Variants in TNR observed in about 807,000 individuals in gnomAD.
The protein encoded by TNR is tenascin R, also known as tenascin-R.
Under a neutral mutation model 150.4 loss-of-function variants are expected in TNR, and 45 were observed. The ratio of observed to expected loss-of-function variants is 0.30; its 90% CI spans 0.24 to 0.38. The LOEUF (loss-of-function observed/expected upper bound fraction) is 0.38, where lower values mean the gene tolerates loss of function less well. Among genes scored for constraint, TNR ranks in the 10% least tolerant of loss-of-function variants. The pLI, the probability that TNR is intolerant of heterozygous loss-of-function variation, is 1.00. For synonymous variants in TNR, 687 were observed against 678.4 expected (o/e 1.01, Z -0.20); for missense variants, 1,544 against 1,759.1 (o/e 0.88, Z 2.19).
In TNR at chr1:175,316,984, G is replaced by A. The variant is rs1648865439; in HGVS notation, c.*6373C>T. 6.6e-6 allele frequency: 1 copy of A among 152,184 alleles called. No individual in the cohort carries two copies. The highest frequency in any genetic ancestry group is 2.1e-4 in the South Asian group (1 of 4,836). 9.4% of individuals were successfully genotyped at this position (152,184 alleles called of 1,614,324 possible). On this transcript the variant is annotated 3_prime_UTR_variant, in exon 23 of 23. Transcript: ENST00000367674. Reference sequence around the variant, plus strand: ...TAAATATAAAGAGCAGCCTCATGAAGTGGAAAAATCAAGGGCTTCAAAATT... The same window carrying A: ...TAAATATAAAGAGCAGCCTCATGAAATGGAAAAATCAAGGGCTTCAAAATT...
chr1:175,364,410 T>C (rs1273887432), intron 12 of TNR, among the ~76,000 whole-genome samples: 1 of 152,130 alleles, frequency 6.6e-6, no homozygotes, highest in Non-Finnish European at 1.5e-5. Context: ...GAGTTCTTGT[T>C]AGTAAGGAGG....
intron 1 of TNR, among the ~76,000 whole-genome samples, chr1:175,668,357 T>G (rs1665592109): frequency 6.6e-6 from 1 of 151,998 alleles, no homozygotes; most frequent in Non-Finnish European, 1.5e-5. Context: ...AAGAGAGGTG[T>G]CTAAGTGTCA....
chr1:175,427,693 C>CCTTT (rs1557927731), intron 2 of TNR, among the ~76,000 whole-genome samples: 2 of 126,572 alleles, frequency 1.6e-5, no homozygotes, highest in Non-Finnish European at 1.7e-5. Flanking sequence ...TTCCTTCCTT[C>CCTTT]CTTCCTTCCT....
chr1:175,673,383 G>A (rs977387875), intron 1 of TNR, among the ~76,000 whole-genome samples: 2 of 152,184 alleles, frequency 1.3e-5, no homozygotes, highest in African/African-American at 4.8e-5. Flanking sequence ...CCCTTCAGGG[G>A]TTTATAAACT....
rs916275392 is a variant in TNR at position 175,319,274 on chromosome 1, T to A, written c.*4083A>T. On this transcript the variant is annotated 3_prime_UTR_variant, in exon 23 of 23. Transcript: ENST00000367674. ...CTAGTCTATTTCAACACCCATAGCT[T>A]GGTGTATCTAGTGTTCTTGCATGTT... 4 of 152,228 alleles carry A rather than the reference T, an allele frequency of 2.6e-5. No individual in the cohort carries two copies. The highest frequency in any genetic ancestry group is 9.6e-5 in the African/African-American group (4 of 41,462). The allele number at this position is 152,228 out of a possible 1,614,324, so 9.4% of individuals were successfully genotyped here. A position where few individuals can be genotyped will look rare whatever the true frequency, so the allele number is the denominator to read the frequency against.
intron 1 of TNR, among the ~76,000 whole-genome samples, chr1:175,722,257 G>A (rs532394788): frequency 9.9e-5 from 15 of 152,272 alleles, no homozygotes; most frequent in African/African-American, 3.4e-4. Context: ...AATAATTCAT[G>A]TGTTTCCATG....
chr1:175,331,191 TTCCTTCCTTCCTTCCTTCCTTCCTTCC>T (rs1649898881), intron 20 of TNR, among the ~76,000 whole-genome samples: 1 of 57,482 alleles, frequency 1.7e-5, no homozygotes, highest in Non-Finnish European at 4.8e-5. Flanking sequence ...CCTTCCTTCC[TTCCTTCCTTCCTTCCTTCCTTCCTTCC>T]TTCTTTCCTG....
chr1:175,432,718 G>A (rs1655332529), intron 2 of TNR, among the ~76,000 whole-genome samples: 1 of 151,814 alleles, frequency 6.6e-6, no homozygotes, highest in African/African-American at 2.4e-5. Context: ...GGAGCCTAGG[G>A]GCCTCTGCTC....
At chr1:175,431,911 A>ATCTCTCTCTCTCTCTCTCTCTCTCTCCT (rs545138749) in intron 2 of TNR, among the ~76,000 whole-genome samples, 45 of 136,466 alleles carry the variant, frequency 3.3e-4, no homozygotes, top group African/African-American at 1.2e-3. Context: ...GGACCATAAT[A>ATCTCTCTCTCTCTCTCTCTCTCTCTCCT]TCTCTCTCTC....
chr1:175,363,313 C>T (rs1022383347), intron 13 of TNR, among the ~76,000 whole-genome samples: 17 of 152,216 alleles, frequency 1.1e-4, no homozygotes, highest in African/African-American at 2.7e-4. Context: ...ACTGTGCTTC[C>T]CTCCAAGGCT....
rs115933018 is a variant in TNR at position 175,343,214 on chromosome 1, C to G, written c.3383-5535G>C. ...AATCCCTACCATGGCCTACAAAGCCCTGTACGCTCCGTCTCTGTCCTGCAC... is the reference window on the plus strand; with the variant it reads ...AATCCCTACCATGGCCTACAAAGCCGTGTACGCTCCGTCTCTGTCCTGCAC... On this transcript the variant is annotated intron_variant, in intron 18 of 22. Transcript: ENST00000367674. Among the ~76,000 whole-genome samples, 668 of 152,304 alleles carry G rather than the reference C, an allele frequency of 4.4e-3. 4 individuals carry two copies. The highest frequency in any genetic ancestry group is 6.5e-3 in the Admixed American group (99 of 15,300).
At chr1:175,341,033 TG>T (rs1650496680) in intron 18 of TNR, among the ~76,000 whole-genome samples, 1 of 152,228 alleles carries the variant, frequency 6.6e-6, no homozygotes. Context: ...TTTATTGTTT[TG>T]TTCTGCTTTG....
rs543940373 is a variant in TNR at position 175,395,961 on chromosome 1, C to A, written c.1240+583G>T. Among the ~76,000 whole-genome samples the A allele has an allele frequency of 2.0e-5, 3 of 152,268 alleles. No individual in the cohort carries two copies. The East Asian group carries it at 5.8e-4, about 29-fold the overall frequency. On this transcript the variant is annotated intron_variant, in intron 5 of 22. Coordinates refer to ENST00000367674, the MANE Select transcript of TNR (RefSeq NM_003285.3). ...CTGTCTCCATCTCTCTCTTTCTTCC[C>A]TGTGAATCCTTCTAAATTATGCTCT...
rs114072218 is a variant in TNR at position 175,738,530 on chromosome 1, G to A, written c.-165+4696C>T. On this transcript the variant is annotated intron_variant, in intron 1 of 22. Transcript: ENST00000367674. ...TGGGGGAGGAGGAAATGGAGAATTA[G>A]CGTTTACTGTGTACAGAGTTTCAAT... is the stretch of plus-strand genomic sequence containing the variant. 2.4e-3 allele frequency among the ~76,000 whole-genome samples: 365 copies of A among 152,308 alleles called. 1 individual carries two copies. Among genetic ancestry groups the A allele is most frequent in the African/African-American group, 8.5e-3 (352 of 41,574 alleles).
intron 1 of TNR, among the ~76,000 whole-genome samples, chr1:175,567,479 T>C (rs1020680664): frequency 4.6e-5 from 7 of 152,174 alleles, no homozygotes; most frequent in Admixed American, 4.6e-4. Flanking sequence ...AGCAGTCAGG[T>C]GATGTGCTAT....
At chr1:175,607,535 C>A (rs549625697) in intron 1 of TNR, among the ~76,000 whole-genome samples, 59 of 152,344 alleles carry the variant, frequency 3.9e-4, no homozygotes, top group African/African-American at 1.4e-3. Flanking sequence ...ATTGTACTGG[C>A]TTGTAGCTAC....
chr1:175,592,068 T>A (rs1289287972), intron 1 of TNR, among the ~76,000 whole-genome samples: 1 of 152,204 alleles, frequency 6.6e-6, no homozygotes, highest in Non-Finnish European at 1.5e-5. Flanking sequence ...TGCAGCATCA[T>A]GTAGTGATCC....
At chr1:175,335,684 C>A in intron 20 of TNR, 27 bp downstream of exon 20, 1 of 1,597,936 alleles carries the variant, frequency 6.3e-7, no homozygotes, top group Non-Finnish European at 8.5e-7. Flanking sequence ...AGAAGCACAT[C>A]AATGGAAAGC....
chr1:175,357,348 T>C (rs1651381785), intron 15 of TNR, among the ~76,000 whole-genome samples: 1 of 152,230 alleles, frequency 6.6e-6, no homozygotes, highest in East Asian at 1.9e-4. Flanking sequence ...ATTAGAATAC[T>C]TGGAAATTAT....
Sources: gnomAD v4.1 joint callset for allele counts (sites outside exome capture counted in the v4.1 genomes callset) on GRCh38, gnomAD v4.1.1 for gene constraint, MANE v1.5 for transcripts, NCBI Gene and HGNC (gene_info 2026-07-23, HGNC 2026-07-21) for gene names.